PARVA: variants seen among roughly 807,000 people sequenced by gnomAD.
The protein encoded by PARVA is alpha-parvin.
In PARVA, 25 loss-of-function variants were observed where a neutral mutation model predicts 52.6. The ratio of observed to expected loss-of-function variants is 0.48; its 90% CI spans 0.35 to 0.66. PARVA has a LOEUF of 0.66. Among genes scored for constraint, PARVA ranks in the 30% least tolerant of loss-of-function variants. PARVA has a pLI of 0.01. For missense variants in PARVA, 373 were observed against 450.9 expected, an observed-to-expected ratio of 0.83 and a Z score of 1.56; for synonymous variants, 185 against 179.1, an observed-to-expected ratio of 1.03 and a Z score of -0.26.
intron 1 of PARVA, among the ~76,000 whole-genome samples, chr11:12,470,562 G>A (rs185280715): frequency 6.6e-6 from 1 of 152,158 alleles, no homozygotes; most frequent in Non-Finnish European, 1.5e-5. Flanking sequence ...TGGCCTCATG[G>A]GGGATCTAAT....
At chr11:12,434,418 C>G (rs957476890) in intron 1 of PARVA, among the ~76,000 whole-genome samples, 2 of 152,210 alleles carry the variant, frequency 1.3e-5, no homozygotes, top group Non-Finnish European at 2.9e-5. Flanking sequence ...CGCTTGGTCC[C>G]TATCAAACAG....
intron 1 of PARVA, among the ~76,000 whole-genome samples, chr11:12,440,140 C>A (rs1940443506): frequency 6.6e-6 from 1 of 152,180 alleles, no homozygotes; most frequent in African/African-American, 2.4e-5. Flanking sequence ...TGTATATGCT[C>A]AGTTAACATT....
Position 12,439,713 on chromosome 11 carries a change from C to T in PARVA, c.137-34032C>T, listed in dbSNP as rs79225726. 9.6e-3 allele frequency among the ~76,000 whole-genome samples: 1,464 copies of T among 152,296 alleles called. 14 individuals carry two copies. Among genetic ancestry groups the T allele is most frequent in the African/African-American group, 0.026 (1,066 of 41,568 alleles). Reference sequence around the variant, plus strand: ...CATGCTGCTCCTCCCACCCCACTTCCTATCCTCCTCCCTCTGCTTTCTCTG... The same window carrying T: ...CATGCTGCTCCTCCCACCCCACTTCTTATCCTCCTCCCTCTGCTTTCTCTG... On this transcript the variant is annotated intron_variant, in intron 1 of 12. Transcript: ENST00000334956.
intron 1 of PARVA, among the ~76,000 whole-genome samples, chr11:12,400,569 T>A (rs540365568): frequency 6.6e-6 from 1 of 152,308 alleles, no homozygotes; most frequent in African/African-American, 2.4e-5. Context: ...GCACTTGAAT[T>A]CCAACCAAAT....
At chr11:12,382,937 G>A (rs901146714) in intron 1 of PARVA, among the ~76,000 whole-genome samples, 1 of 152,168 alleles carries the variant, frequency 6.6e-6, no homozygotes, top group African/African-American at 2.4e-5. Context: ...ATTTTCATTG[G>A]TCTTTGAAAT....
At position 12,377,586 on chromosome 11, in the gene PARVA, C is replaced by A; in HGVS notation, c.-62C>A. The A allele has an allele frequency of 6.7e-7, 1 of 1,501,532 alleles. No individual in the cohort carries two copies. Among genetic ancestry groups the A allele is most frequent in the Non-Finnish European group, 8.9e-7 (1 of 1,127,562 alleles). 93.0% of individuals were successfully genotyped at this position (1,501,532 alleles called of 1,614,324 possible). A position where few individuals can be genotyped will look rare whatever the true frequency, so the allele number is the denominator to read the frequency against. On this transcript the variant is annotated 5_prime_UTR_variant, in exon 1 of 13. Coordinates refer to ENST00000334956, the MANE Select transcript of PARVA (RefSeq NM_018222.5). The stretch of plus-strand genomic sequence containing the variant: ...CCGCAGCCTCAGTCCCGCCGCCGCC[C>A]GCTGCGTCCGCCCAGCGCCAGCTCC...
chr11:12,467,074 A>G (rs1940863258), intron 1 of PARVA, among the ~76,000 whole-genome samples: 1 of 152,242 alleles, frequency 6.6e-6, no homozygotes, highest in Non-Finnish European at 1.5e-5. Context: ...ATATCAGAAG[A>G]TATAGTGTGC....
intron 1 of PARVA, among the ~76,000 whole-genome samples, chr11:12,449,394 T>C (rs1328949530): frequency 6.6e-6 from 1 of 152,126 alleles, no homozygotes; most frequent in East Asian, 1.9e-4. Flanking sequence ...TGGCCTCAAG[T>C]GATCCGCCTG....
intron 1 of PARVA, among the ~76,000 whole-genome samples, chr11:12,406,891 C>T (rs1393486131): frequency 1.3e-5 from 2 of 151,918 alleles, no homozygotes; most frequent in African/African-American, 4.8e-5. Context: ...AGGATCGTCT[C>T]GATCTCCTGA....
rs372668492 is a variant in PARVA, at chr11:12,445,557, G to T, written c.137-28188G>T. ...GGTGGGAAGGCCTGGATCTAGAGGG[G>T]CAAATACCAGGCTCTTTGTAACATA... On this transcript the variant is annotated intron_variant, in intron 1 of 12. Coordinates refer to ENST00000334956, the MANE Select transcript of PARVA (RefSeq NM_018222.5). Among the ~76,000 whole-genome samples the T allele has an allele frequency of 9.1e-3, 1,381 of 151,960 alleles. 22 individuals carry two copies. The highest frequency in any genetic ancestry group is 0.031 in the African/African-American group (1,297 of 41,466).
At chr11:12,408,283 G>A (rs1939943624) in intron 1 of PARVA, among the ~76,000 whole-genome samples, 1 of 152,118 alleles carries the variant, frequency 6.6e-6, no homozygotes, top group Non-Finnish European at 1.5e-5. Context: ...TTCATGTTTG[G>A]GGTTGGTTTT....
intron 1 of PARVA, among the ~76,000 whole-genome samples, chr11:12,391,657 C>A (rs2134954680): frequency 6.6e-6 from 1 of 152,352 alleles, no homozygotes; most frequent in Middle Eastern, 3.4e-3. Context: ...CCAGCCATGA[C>A]CTCTCATCTT....
intron 1 of PARVA, among the ~76,000 whole-genome samples, chr11:12,463,322 T>C (rs569695060): frequency 6.6e-6 from 1 of 152,358 alleles, no homozygotes; most frequent in South Asian, 2.1e-4. Flanking sequence ...ACATTACGTT[T>C]TGTCTTCATG....
At chr11:12,512,498 G>C (rs931704357) in intron 8 of PARVA, among the ~76,000 whole-genome samples, 4 of 152,182 alleles carry the variant, frequency 2.6e-5, no homozygotes. Context: ...CCTTTCCTGA[G>C]TCAGATCCCT....
At chr11:12,514,137 C>A in intron 10 of PARVA, 72 bp downstream of exon 10, 1 of 1,237,592 alleles carries the variant, frequency 8.1e-7, no homozygotes. Context: ...TGGCCCACCA[C>A]ACTTGGCCAG....
intron 1 of PARVA, among the ~76,000 whole-genome samples, chr11:12,454,373 ACTTT>A (rs1326381414): frequency 6.6e-6 from 1 of 152,152 alleles, no homozygotes; most frequent in East Asian, 1.9e-4. Context: ...GCTTTGATAG[ACTTT>A]CATTATGGAT....
chr11:12,380,008 G>C (rs1939462587), intron 1 of PARVA, among the ~76,000 whole-genome samples: 1 of 152,184 alleles, frequency 6.6e-6, no homozygotes, highest in African/African-American at 2.4e-5. Flanking sequence ...ACCTATCACT[G>C]TTGGTAGAGC....
chr11:12,386,343 C>T (rs2134948157), intron 1 of PARVA, among the ~76,000 whole-genome samples: 1 of 152,326 alleles, frequency 6.6e-6, no homozygotes, highest in East Asian at 1.9e-4. Flanking sequence ...TATGCCTTTA[C>T]ATGCTGTTCC....
rs760860932 is a variant in PARVA at position 12,496,604 on chromosome 11, T to C, written c.541+6T>C. 44 of 1,610,416 alleles carry C rather than the reference T, an allele frequency of 2.7e-5. No homozygotes were observed. Among genetic ancestry groups the C allele is most frequent in the African/African-American group, 4.0e-5 (3 of 74,824 alleles). ...CATCAAGTGGAATGTGGATTGTGAG[T>C]TGAACAAAGGAAAGGGGCACCATTA... On this transcript the variant is annotated splice_donor_region_variant and intron_variant, in intron 5 of 12. Transcript: ENST00000334956.
Sources: allele counts gnomAD v4.1 joint callset (sites outside exome capture counted in the v4.1 genomes callset), GRCh38; gene constraint gnomAD v4.1.1; transcripts MANE v1.5; gene names NCBI Gene and HGNC (gene_info 2026-07-23, HGNC 2026-07-21).